Variants in SLC47A1 observed in about 807,000 individuals in gnomAD.
SLC47A1 encodes the protein solute carrier family 47 member 1.
SLC47A1 carries 58 observed loss-of-function variants against 65.8 expected under a neutral mutation model. That is an observed-to-expected ratio of 0.88 (90% confidence interval 0.71 to 1.10). The LOEUF is 1.10. Ranked by LOEUF, SLC47A1 falls within the 50% of genes least tolerant of loss-of-function variation. SLC47A1 has a pLI of 0.00. For synonymous variants in SLC47A1, 285 were observed against 295.0 expected, an observed-to-expected ratio of 0.97 and a Z score of 0.35; for missense variants, 706 against 719.2, an observed-to-expected ratio of 0.98 and a Z score of 0.21.
intron 12 of SLC47A1, among the ~76,000 whole-genome samples, chr17:19,565,577 C>CTTTT (rs11362429): frequency 1.4e-4 from 13 of 95,544 alleles, no homozygotes; most frequent in South Asian, 8.0e-4. Flanking sequence ...GTCTGAAAAT[C>CTTTT]TTTTTTTTTT....
intron 15 of SLC47A1, among the ~76,000 whole-genome samples, chr17:19,572,465 TTTG>T (rs993182116): frequency 5.9e-5 from 9 of 151,998 alleles, no homozygotes; most frequent in African/African-American, 9.7e-5. Flanking sequence ...GGCTGTTTTT[TTTG>T]TTGTTGTTGT....
Position 19,578,277 on chromosome 17 carries a change from C to A in SLC47A1, c.*724C>A. On this transcript the variant is annotated 3_prime_UTR_variant, in exon 17 of 17. Transcript: ENST00000270570. ...ATTCCTGGTAGGGGTGTGTGCGTGA[C>A]GTACTGCAGCCTCAACCTCCTGGGC... The A allele has an allele frequency of 3.2e-6, 1 of 309,672 alleles. No homozygotes were observed. Among genetic ancestry groups the A allele is most frequent in the East Asian group, 1.1e-4 (1 of 9,136 alleles). 19.2% of individuals were successfully genotyped at this position (309,672 alleles called of 1,614,324 possible).
chr17:19,548,428 C>T (rs957836365), intron 4 of SLC47A1, among the ~76,000 whole-genome samples: 7 of 151,896 alleles, frequency 4.6e-5, no homozygotes, highest in South Asian at 4.1e-4. Context: ...TCTTGACCTT[C>T]GTTGATATTA....
rs766567373 is a variant in SLC47A1 at position 19,577,730 on chromosome 17, C to CTATA, written c.*179_*182dup. 2,747 of 1,423,582 alleles carry CTATA rather than the reference C, an allele frequency of 1.9e-3. 4 individuals are homozygous for CTATA. Among genetic ancestry groups the CTATA allele is most frequent in the Non-Finnish European group, 2.3e-3 (2,546 of 1,095,056 alleles). 88.2% of individuals were successfully genotyped at this position (1,423,582 alleles called of 1,614,324 possible). A position where few individuals can be genotyped will look rare whatever the true frequency, so the allele number is the denominator to read the frequency against. On this transcript the variant is annotated 3_prime_UTR_variant, in exon 17 of 17. Transcript: ENST00000270570. ...AAGAAAAAGCAACTAAGGTTAAAAG[C>CTATA]TATATTGTGGCCCAAGACACTGTCT...
chr17:19,550,675 C>T (rs1916423101), intron 5 of SLC47A1, among the ~76,000 whole-genome samples: 1 of 152,156 alleles, frequency 6.6e-6, no homozygotes. Flanking sequence ...GCAGGGGCTT[C>T]CGTAATATAA....
chr17:19,560,440 T>C lies in SLC47A1; in HGVS notation c.1053T>C (p.Ser351=). ...LITVLFAVAF[S]VLLLSCKDHV... is the part of the protein sequence containing the mutation. ...CAGTGCTCTTTGCTGTAGCCTTCAG[T>C]GTCCTGCTGTTAAGCTGTAAGGATC... The change falls in exon 12 of 17, where the codon AGT becomes AGC. Residue 351 remains serine, a synonymous_variant. Coordinates refer to ENST00000270570, the MANE Select transcript of SLC47A1 (RefSeq NM_018242.3). 6.2e-7 allele frequency: 1 copy of C among 1,614,218 alleles called. No homozygotes were observed. The highest frequency in any genetic ancestry group is 2.2e-5 in the East Asian group (1 of 44,888).
At chr17:19,540,653 T>A (rs1410191284) in intron 1 of SLC47A1, among the ~76,000 whole-genome samples, 1 of 152,192 alleles carries the variant, frequency 6.6e-6, no homozygotes, top group Non-Finnish European at 1.5e-5. Context: ...CCTTTTTTAT[T>A]GACACCTCCA....
At chr17:19,571,934 T>G (rs986161571) in intron 15 of SLC47A1, among the ~76,000 whole-genome samples, 1 of 152,198 alleles carries the variant, frequency 6.6e-6, no homozygotes, top group Non-Finnish European at 1.5e-5. Flanking sequence ...TTAAGATACT[T>G]GTGTGCATCC....
chr17:19,555,699 T>G lies in SLC47A1; in HGVS notation c.739+9T>G. The stretch of plus-strand genomic sequence containing the variant: ...TCAAGCTACATGGGGAGGTAATGAC[T>G]GCCCTTTTGTCTTCCAACTGGGATG... On this transcript the variant is annotated intron_variant, in intron 8 of 16. Transcript: ENST00000270570. 1.9e-6 allele frequency: 3 copies of G among 1,614,024 alleles called. No homozygotes were observed. Among genetic ancestry groups the G allele is most frequent in the Non-Finnish European group, 2.5e-6 (3 of 1,179,918 alleles).
At chr17:19,548,255 T>C in intron 4 of SLC47A1, 122 bp downstream of exon 4, 1 of 1,228,532 alleles carries the variant, frequency 8.1e-7, no homozygotes, top group Non-Finnish European at 1.1e-6. Context: ...TCTCCTTGGC[T>C]GACGTCTCCT....
At chr17:19,559,641 C>G (rs2084291568) in intron 10 of SLC47A1, among the ~76,000 whole-genome samples, 1 of 152,200 alleles carries the variant, frequency 6.6e-6, no homozygotes, top group African/African-American at 2.4e-5. Context: ...AAGCGATTCT[C>G]CTGCCTCAGC....
At chr17:19,558,078 T>G (rs1285923580) in intron 10 of SLC47A1, among the ~76,000 whole-genome samples, 1 of 151,900 alleles carries the variant, frequency 6.6e-6, no homozygotes, top group Non-Finnish European at 1.5e-5. Context: ...TTCTGTCTGG[T>G]CTATCTACAC....
intron 1 of SLC47A1, among the ~76,000 whole-genome samples, chr17:19,535,804 C>T (rs889072332): frequency 2.6e-5 from 4 of 152,040 alleles, no homozygotes; most frequent in East Asian, 1.9e-4. Flanking sequence ...CTTTGACCTC[C>T]GAAAGTAAGT....
intron 12 of SLC47A1, among the ~76,000 whole-genome samples, chr17:19,562,470 C>A (rs2440152): frequency 0.18 from 27,256 of 151,526 alleles, 2,748 homozygotes; most frequent in East Asian, 0.43. Flanking sequence ...GAGGCTGAGG[C>A]AGGAGAATCA....
Position 19,548,058 on chromosome 17 carries a change from G to C in SLC47A1, c.380G>C (p.Cys127Ser), listed in dbSNP as rs1437583155. 1.9e-6 allele frequency: 3 copies of C among 1,613,968 alleles called. No individual in the cohort carries two copies. The Admixed American group carries it at 5.0e-5, about 27-fold the overall frequency. The stretch of plus-strand genomic sequence containing the variant: ...AGTGCGCTCGTCCTGCTCCTCTGCT[G>C]CTTCCCCTGCTGGGCGCTCTTTCTC... ...QRSALVLLLC[C>S]FPCWALFLNT... The change falls in exon 4 of 17, where the codon TGC becomes TCC. Residue 127 changes from cysteine (C) to serine (S), a missense_variant. Physicochemically the swap from Cys to Ser is moderately radical, Grantham distance 112. Transcript: ENST00000270570.
intron 1 of SLC47A1, 159 bp downstream of exon 1, chr17:19,534,233 C>A: frequency 1.1e-6 from 1 of 911,400 alleles, no homozygotes; most frequent in Non-Finnish European, 1.5e-6. Flanking sequence ...GGCACCCCAG[C>A]TCCTCTGCCT....
Position 19,577,483 on chromosome 17 carries a change from T to C in SLC47A1, c.1643T>C (p.Leu548Pro), listed in dbSNP as rs751183904. Reference sequence around the variant, plus strand: ...AAACAGCTGGTGCTGCGGCGAGGGCTTCTGCTCCTGGGGGTCTTCTTAATC... The same window carrying C: ...AAACAGCTGGTGCTGCGGCGAGGGCCTCTGCTCCTGGGGGTCTTCTTAATC... ...SRKQLVLRRG[L>P]LLLGVFLILL... Residue 548 changes from leucine to proline, a missense_variant, in exon 17 of 17, where the codon CTT (leucine) becomes CCT (proline). Leu to Pro is a moderately conservative substitution (Grantham distance 98, BLOSUM62 -3). Transcript: ENST00000270570. 2.9e-5 allele frequency: 47 copies of C among 1,614,072 alleles called. 1 individual carries two copies. The South Asian group carries it at 5.2e-4, about 18-fold the overall frequency.
chr17:19,537,189 A>G (rs1916009925), intron 1 of SLC47A1, among the ~76,000 whole-genome samples: 1 of 152,230 alleles, frequency 6.6e-6, no homozygotes, highest in African/African-American at 2.4e-5. Context: ...GCCCCAGCTC[A>G]GGGAAATGTT....
chr17:19,555,862 T>C lies in SLC47A1; in HGVS notation c.806T>C (p.Met269Thr), dbSNP rs145720500. The C allele has an allele frequency of 9.7e-5, 157 of 1,613,800 alleles. No individual in the cohort carries two copies. Among genetic ancestry groups the C allele is most frequent in the Non-Finnish European group, 1.2e-4 (146 of 1,180,016 alleles). Residue 269 changes from methionine to threonine, a missense_variant, in exon 9 of 17, where the codon ATG (methionine) becomes ACG (threonine). Met to Thr is a moderately conservative substitution (Grantham distance 81). Coordinates refer to ENST00000270570, the MANE Select transcript of SLC47A1 (RefSeq NM_018242.3). ...CGCCTGGCCATCCCCAGCATGCTCA[T>C]GCTGTGCATGGAGTGGTGGGCCTAT... ...FLRLAIPSML[M>T]LCMEWWAYEV...
Sources: allele counts gnomAD v4.1 joint callset (sites outside exome capture counted in the v4.1 genomes callset), GRCh38; gene constraint gnomAD v4.1.1; transcripts MANE v1.5; gene names NCBI Gene and HGNC (gene_info 2026-07-23, HGNC 2026-07-21).